HACD2: variants seen among roughly 807,000 people sequenced by gnomAD.
HACD2 encodes 3-hydroxyacyl-CoA dehydratase 2.
HACD2 carries 15 observed loss-of-function variants against 31.0 expected under a neutral mutation model. That is an observed-to-expected ratio of 0.48 (90% CI 0.32 to 0.75). The LOEUF (loss-of-function observed/expected upper bound fraction) is 0.75, where lower values mean the gene tolerates loss of function less well. HACD2 is among the 30% of genes least tolerant of loss of function. The pLI, the probability that HACD2 is intolerant of heterozygous loss-of-function variation, is 0.03. For synonymous variants in HACD2, 115 were observed against 122.2 expected (o/e 0.94, Z 0.39); for missense variants, 283 against 313.0 (o/e 0.90, Z 0.72).
chr3:123,559,694 A>G (rs1028473670), intron 3 of HACD2, among the ~76,000 whole-genome samples: 1 of 152,194 alleles, frequency 6.6e-6, no homozygotes, highest in East Asian at 1.9e-4. Flanking sequence ...CTCATAGAGA[A>G]GGCACCTTAA....
At chr3:123,571,120 A>G (rs918874770) in intron 2 of HACD2, among the ~76,000 whole-genome samples, 4 of 152,240 alleles carry the variant, frequency 2.6e-5, no homozygotes, top group African/African-American at 9.6e-5. Flanking sequence ...CTAAATATGC[A>G]AACTAGAAAT....
intron 3 of HACD2, among the ~76,000 whole-genome samples, chr3:123,548,103 G>A (rs1281282859): frequency 2.6e-5 from 4 of 151,992 alleles, no homozygotes; most frequent in South Asian, 2.1e-4. Context: ...CTAACAATAC[G>A]TCCACGAATT....
At position 123,545,647 on chromosome 3, in the gene HACD2, A is replaced by G. The variant is rs367875647; in HGVS notation, c.293-17173T>C. On this transcript the variant is annotated intron_variant, in intron 3 of 6. Coordinates refer to ENST00000383657, the MANE Select transcript of HACD2 (RefSeq NM_198402.5). ...GGTACAATTTCCACTGAAACAATAT[A>G]CAACAATCATTTTCATATACAACTT... Among the ~76,000 whole-genome samples the G allele has an allele frequency of 2.7e-4, 40 of 149,890 alleles. No individual in the cohort carries two copies. The East Asian group carries it at 6.6e-3, about 25-fold the overall frequency.
intron 2 of HACD2, among the ~76,000 whole-genome samples, chr3:123,570,117 G>T (rs2107750848): frequency 6.7e-6 from 1 of 148,162 alleles, no homozygotes; most frequent in East Asian, 2.0e-4. Flanking sequence ...GCATGACAGA[G>T]CAGTAGGTCT....
chr3:123,577,639 G>C (rs1004644794), intron 2 of HACD2, among the ~76,000 whole-genome samples: 1 of 134,508 alleles, frequency 7.4e-6, no homozygotes, highest in Non-Finnish European at 1.6e-5. Flanking sequence ...AAAAAAAAAA[G>C]AAAGTGTCTT....
chr3:123,575,474 A>G (rs900693066), intron 2 of HACD2, among the ~76,000 whole-genome samples: 3 of 152,224 alleles, frequency 2.0e-5, no homozygotes, highest in Admixed American at 6.5e-5. Context: ...ATTTTAAGTG[A>G]CTAGTGGCTA....
intron 4 of HACD2, among the ~76,000 whole-genome samples, chr3:123,523,454 G>A (rs1028639132): frequency 6.6e-6 from 1 of 152,064 alleles, no homozygotes; most frequent in Non-Finnish European, 1.5e-5. Context: ...TCACAAAAAC[G>A]GCAGTATAGC....
intron 4 of HACD2, chr3:123,502,942 G>C: frequency 2.7e-6 from 1 of 375,032 alleles, no homozygotes; most frequent in Non-Finnish European, 5.0e-6. Flanking sequence ...AACACGAGGG[G>C]TGGGGATTTA....
chr3:123,535,226 A>G (rs932445635), intron 3 of HACD2, among the ~76,000 whole-genome samples: 21 of 152,158 alleles, frequency 1.4e-4, no homozygotes, highest in African/African-American at 5.1e-4. Flanking sequence ...TGCGTTTTCT[A>G]TGTGTAGATA....
intron 3 of HACD2, among the ~76,000 whole-genome samples, chr3:123,550,325 A>T (rs1331444565): frequency 6.6e-6 from 1 of 152,184 alleles, no homozygotes; most frequent in Non-Finnish European, 1.5e-5. Context: ...GTGAATAGGG[A>T]ATGAGAAGGA....
intron 3 of HACD2, among the ~76,000 whole-genome samples, chr3:123,547,970 G>A (rs905582666): frequency 4.6e-5 from 7 of 152,154 alleles, no homozygotes; most frequent in South Asian, 2.1e-4. Context: ...CAGTAAGCAA[G>A]TGGAAGAACC....
intron 3 of HACD2, among the ~76,000 whole-genome samples, chr3:123,564,580 C>T (rs141362467): frequency 6.6e-6 from 1 of 152,166 alleles, no homozygotes; most frequent in African/African-American, 2.4e-5. Flanking sequence ...GACTTTAGAC[C>T]AGAGGGTGAT....
At chr3:123,561,025 C>G (rs2056722704) in intron 3 of HACD2, among the ~76,000 whole-genome samples, 2 of 152,156 alleles carry the variant, frequency 1.3e-5, no homozygotes, top group African/African-American at 4.8e-5. Flanking sequence ...GATGGCAGTT[C>G]CTTTACAATA....
At chr3:123,542,146 C>CAAAAAAAAAAAAAAAAAAAAAAAAAA (rs11391480) in intron 3 of HACD2, among the ~76,000 whole-genome samples, 2 of 41,104 alleles carry the variant, frequency 4.9e-5, no homozygotes, top group African/African-American at 3.4e-4. Context: ...GACTCCGTCT[C>CAAAAAAAAAAAAAAAAAAAAAAAAAA]AAAAAAAAAA....
rs185245095 is a variant in HACD2 at position 123,557,252 on chromosome 3, T to G, written c.292+10510A>C. Among the ~76,000 whole-genome samples the G allele has an allele frequency of 7.2e-3, 1,101 of 152,302 alleles. 8 individuals are homozygous for G. Among genetic ancestry groups the G allele is most frequent in the Middle Eastern group, 0.01 (3 of 294 alleles). On this transcript the variant is annotated intron_variant, in intron 3 of 6. Coordinates refer to ENST00000383657, the MANE Select transcript of HACD2 (RefSeq NM_198402.5). Reference sequence around the variant, plus strand: ...CAAGGGACCTAGGTTGAGTGCTCCTTATGAGAATCTAATGCCTGATGATCT... The same window carrying G: ...CAAGGGACCTAGGTTGAGTGCTCCTGATGAGAATCTAATGCCTGATGATCT...
At chr3:123,549,591 T>C (rs903063950) in intron 3 of HACD2, among the ~76,000 whole-genome samples, 5 of 152,008 alleles carry the variant, frequency 3.3e-5, no homozygotes, top group Admixed American at 2.6e-4. Flanking sequence ...CTACCAAAAA[T>C]ACAAAACTTA....
intron 2 of HACD2, among the ~76,000 whole-genome samples, chr3:123,575,253 T>C (rs1464008756): frequency 2.6e-5 from 4 of 152,034 alleles, no homozygotes; most frequent in Non-Finnish European, 5.9e-5. Context: ...AGGACTAATA[T>C]GCGCCACTGT....
intron 3 of HACD2, among the ~76,000 whole-genome samples, chr3:123,545,904 T>C (rs1559921543): frequency 6.6e-6 from 1 of 151,428 alleles, no homozygotes; most frequent in East Asian, 1.9e-4. Context: ...AGAGATGGGG[T>C]TTCACCATGT....
chr3:123,527,956 T>TA (rs1380563810), intron 4 of HACD2, among the ~76,000 whole-genome samples: 1 of 152,162 alleles, frequency 6.6e-6, no homozygotes, highest in Non-Finnish European at 1.5e-5. Context: ...AACTACTGTA[T>TA]AGGTTTAAAA....
Sources: allele counts gnomAD v4.1 joint callset (sites outside exome capture counted in the v4.1 genomes callset), GRCh38; gene constraint gnomAD v4.1.1; transcripts MANE v1.5; gene names NCBI Gene and HGNC (gene_info 2026-07-23, HGNC 2026-07-21).